Variants in AFAP1L2 observed in about 807,000 individuals in gnomAD.
AFAP1L2 encodes the protein actin filament-associated protein 1-like 2.
Under a neutral mutation model 99.3 loss-of-function variants are expected in AFAP1L2, and 46 were observed. The ratio of observed to expected loss-of-function variants is 0.46; its 90% CI spans 0.37 to 0.59. The LOEUF (loss-of-function observed/expected upper bound fraction) is 0.59, where lower values mean the gene tolerates loss of function less well. Among genes scored for constraint, AFAP1L2 ranks in the 20% least tolerant of loss-of-function variants. AFAP1L2 has a pLI of 0.00. For synonymous variants in AFAP1L2, 397 were observed against 419.1 expected, an observed-to-expected ratio of 0.95 and a Z score of 0.64; for missense variants, 959 against 1,034.9, an observed-to-expected ratio of 0.93 and a Z score of 1.01.
At chr10:114,347,912 A>G (rs1037624261) in intron 1 of AFAP1L2, among the ~76,000 whole-genome samples, 8 of 152,220 alleles carry the variant, frequency 5.3e-5, no homozygotes, top group Non-Finnish European at 7.3e-5. Context: ...CATTACCACT[A>G]TCTAGTTCCA....
chr10:114,351,527 G>T (rs1005357708), intron 1 of AFAP1L2, among the ~76,000 whole-genome samples: 1 of 152,160 alleles, frequency 6.6e-6, no homozygotes, highest in African/African-American at 2.4e-5. Flanking sequence ...GTCAAAATCA[G>T]CCCCAGCAAT....
At position 114,302,495 on chromosome 10, in the gene AFAP1L2, G is replaced by A; in HGVS notation, c.1285-11C>T. The A allele has an allele frequency of 6.2e-7, 1 of 1,613,780 alleles. No individual in the cohort carries two copies. Among genetic ancestry groups the A allele is most frequent in the Non-Finnish European group, 8.5e-7 (1 of 1,179,980 alleles). On this transcript the variant is annotated splice_polypyrimidine_tract_variant and intron_variant, in intron 11 of 18. Transcript: ENST00000304129. ...CTCGGAAGACTTGGCCTGGAACGAG[G>A]CCAAGAGAGACATAAGCAGGGCCAG...
intron 2 of AFAP1L2, among the ~76,000 whole-genome samples, chr10:114,339,607 A>C (rs1377795764): frequency 1.3e-5 from 2 of 152,236 alleles, no homozygotes; most frequent in Non-Finnish European, 2.9e-5. Flanking sequence ...CCTAGCACCC[A>C]GTATACCTTG....
intron 1 of AFAP1L2, among the ~76,000 whole-genome samples, chr10:114,384,397 T>C (rs1319744844): frequency 6.6e-6 from 1 of 151,070 alleles, no homozygotes; most frequent in Non-Finnish European, 1.5e-5. Context: ...AGGGCCATTG[T>C]TCCCCCCACA....
chr10:114,355,964 C>T (rs1306941543), intron 1 of AFAP1L2, among the ~76,000 whole-genome samples: 2 of 152,064 alleles, frequency 1.3e-5, no homozygotes, highest in African/African-American at 4.8e-5. Context: ...TAGAGTGAGA[C>T]CCTGTCTCAA....
intron 2 of AFAP1L2, among the ~76,000 whole-genome samples, chr10:114,333,855 C>G (rs2047559363): frequency 6.6e-6 from 1 of 152,160 alleles, no homozygotes; most frequent in South Asian, 2.1e-4. Flanking sequence ...AGTTCAAGAT[C>G]TGCCTTGTAT....
chr10:114,396,173 G>A (rs1009890410), intron 1 of AFAP1L2, among the ~76,000 whole-genome samples: 6 of 152,148 alleles, frequency 3.9e-5, no homozygotes, highest in African/African-American at 4.8e-5. Flanking sequence ...TAGTCCTCAC[G>A]GATGGAAGTT....
At chr10:114,346,146 G>A (rs911470513) in intron 1 of AFAP1L2, among the ~76,000 whole-genome samples, 1 of 152,154 alleles carries the variant, frequency 6.6e-6, no homozygotes, top group African/African-American at 2.4e-5. Context: ...GCGCAGGCCT[G>A]GGGATGAGAG....
At chr10:114,379,600 T>C (rs543609003) in intron 1 of AFAP1L2, among the ~76,000 whole-genome samples, 3 of 152,156 alleles carry the variant, frequency 2.0e-5, no homozygotes, top group Non-Finnish European at 4.4e-5. Context: ...ATTTTTTTCC[T>C]TTAGAGGAAG....
chr10:114,291,973 G>T (rs1293784366), downstream of AFAP1L2, among the ~76,000 whole-genome samples: 1 of 152,124 alleles, frequency 6.6e-6, no homozygotes, highest in African/African-American at 2.4e-5. Flanking sequence ...CACCTGAAGG[G>T]TCTTCCTTTC....
At chr10:114,366,631 G>T (rs1290036604) in intron 1 of AFAP1L2, among the ~76,000 whole-genome samples, 1 of 152,220 alleles carries the variant, frequency 6.6e-6, no homozygotes, top group Admixed American at 6.5e-5. Context: ...AAACCTACCA[G>T]TTCTTCAGGG....
chr10:114,343,965 C>T (rs551601041), intron 1 of AFAP1L2, among the ~76,000 whole-genome samples: 61 of 152,254 alleles, frequency 4.0e-4, no homozygotes, highest in African/African-American at 1.4e-3. Context: ...GGCAGAGAAA[C>T]TGAATTAAAC....
intron 1 of AFAP1L2, among the ~76,000 whole-genome samples, chr10:114,385,413 C>A (rs1187645655): frequency 6.6e-6 from 1 of 152,118 alleles, no homozygotes; most frequent in Non-Finnish European, 1.5e-5. Context: ...AACATCAGAT[C>A]CAAACATGGC....
intron 2 of AFAP1L2, among the ~76,000 whole-genome samples, chr10:114,336,529 G>A (rs1000482838): frequency 6.6e-6 from 1 of 152,250 alleles, no homozygotes; most frequent in Non-Finnish European, 1.5e-5. Context: ...GTGTTGGGAA[G>A]ATGAGCTCAA....
chr10:114,332,365 G>A (rs1008893739), intron 3 of AFAP1L2, among the ~76,000 whole-genome samples: 6 of 152,224 alleles, frequency 3.9e-5, no homozygotes, highest in African/African-American at 1.4e-4. Context: ...GCCACACTGG[G>A]GAAGTGAGGC....
At chr10:114,404,577 T>A, upstream of AFAP1L2, 5 of 1,327,950 alleles carry the variant, frequency 3.8e-6, no homozygotes, top group Non-Finnish European at 4.8e-6. Flanking sequence ...CCGGACCTCC[T>A]GGCGGGGCCG....
intron 6 of AFAP1L2, among the ~76,000 whole-genome samples, chr10:114,315,308 G>A (rs1352929559): frequency 6.6e-6 from 1 of 152,126 alleles, no homozygotes; most frequent in African/African-American, 2.4e-5. Context: ...TGGGGATGGG[G>A]GAGGCGGTGG....
At chr10:114,404,671 G>A, upstream of AFAP1L2, 1 of 563,378 alleles carries the variant, frequency 1.8e-6, no homozygotes, top group Non-Finnish European at 2.6e-6. Flanking sequence ...CAGCGCCGGA[G>A]AACTCCGGCC....
intron 6 of AFAP1L2, among the ~76,000 whole-genome samples, chr10:114,315,080 G>T (rs1248206866): frequency 6.6e-6 from 1 of 152,194 alleles, no homozygotes; most frequent in Non-Finnish European, 1.5e-5. Flanking sequence ...GGTGGAGCTT[G>T]CAGTGAGCCA....
Sources: gnomAD v4.1 joint callset for allele counts (sites outside exome capture counted in the v4.1 genomes callset) on GRCh38, gnomAD v4.1.1 for gene constraint, MANE v1.5 for transcripts, NCBI Gene and HGNC (gene_info 2026-07-23, HGNC 2026-07-21) for gene names.